Variants in NEBL observed in about 807,000 individuals in gnomAD.
NEBL encodes the protein nebulette.
In NEBL, 122 loss-of-function variants were observed where a neutral mutation model predicts 140.2. That is an observed-to-expected ratio of 0.87 (90% CI 0.75 to 1.01). The LOEUF (loss-of-function observed/expected upper bound fraction) is 1.01, where lower values mean the gene tolerates loss of function less well. NEBL is among the 50% of genes least tolerant of loss of function. The pLI is 0.00. For missense variants in NEBL, 1,365 were observed against 1,231.3 expected (o/e 1.11, Z -1.62); for synonymous variants, 436 against 398.9 (o/e 1.09, Z -1.11).
chr10:20,888,259 T>C (rs749454963), intron 3 of NEBL, 52 bp from the exon 4 acceptor site: 2 of 1,080,220 alleles, frequency 1.9e-6, no homozygotes, highest in East Asian at 5.0e-5. Context: ...TCCATTTTTT[T>C]AAACTGTGAT....
chr10:21,035,544 C>T (rs1833980193), intron 2 of NEBL, among the ~76,000 whole-genome samples: 1 of 152,096 alleles, frequency 6.6e-6, no homozygotes, highest in Non-Finnish European at 1.5e-5. Flanking sequence ...TTATTCCTGG[C>T]CATCGATTAT....
intron 3 of NEBL, among the ~76,000 whole-genome samples, chr10:21,224,650 C>T (rs1842120152): frequency 6.6e-6 from 1 of 152,156 alleles, no homozygotes; most frequent in Non-Finnish European, 1.5e-5. Context: ...GAATATCTTT[C>T]CACTGTTTTG....
intron 4 of NEBL, among the ~76,000 whole-genome samples, chr10:20,923,199 C>T (rs1358703070): frequency 6.6e-6 from 1 of 151,940 alleles, no homozygotes; most frequent in Non-Finnish European, 1.5e-5. Flanking sequence ...TCCCAAGTAG[C>T]TGGGACCACA....
At chr10:21,240,907 T>TAC (rs61704937) in intron 3 of NEBL, among the ~76,000 whole-genome samples, 35,786 of 137,222 alleles carry the variant, frequency 0.26, 4,760 homozygotes, top group Admixed American at 0.4. Flanking sequence ...CACGCACACA[T>TAC]ACACACACAC....
chr10:20,847,434 T>C (rs1842051162), intron 11 of NEBL, among the ~76,000 whole-genome samples: 1 of 152,194 alleles, frequency 6.6e-6, no homozygotes, highest in Non-Finnish European at 1.5e-5. Context: ...AAATCATAAA[T>C]TACTGTTATT....
At chr10:20,918,351 C>G (rs1438713178) in intron 4 of NEBL, among the ~76,000 whole-genome samples, 1 of 151,754 alleles carries the variant, frequency 6.6e-6, no homozygotes, top group Non-Finnish European at 1.5e-5. Context: ...GAGCAAGACT[C>G]TGTCTCAAAA....
In NEBL at chr10:20,958,027, G is replaced by A. The variant is rs551688107; in HGVS notation, c.357+3645C>T. On this transcript the variant is annotated intron_variant, in intron 4 of 6. Transcript: ENST00000417816. Reference sequence around the variant, plus strand: ...AGCCTGAGTCCCTTGAATGTCTGGCGATGGTTGTGCTTTGAGATCCTGCTG... The same window carrying A: ...AGCCTGAGTCCCTTGAATGTCTGGCAATGGTTGTGCTTTGAGATCCTGCTG... Among the ~76,000 whole-genome samples, 12 of 152,282 alleles carry A rather than the reference G, an allele frequency of 7.9e-5. No individual in the cohort carries two copies. In the East Asian group the frequency reaches 2.1e-3, roughly 27 times the overall value.
chr10:21,211,885 A>G (rs1371214631), intron 3 of NEBL, among the ~76,000 whole-genome samples: 2 of 152,164 alleles, frequency 1.3e-5, no homozygotes, highest in Admixed American at 1.3e-4. Context: ...TTTCTCACTC[A>G]TGCTGAGGTC....
intron 9 of NEBL, among the ~76,000 whole-genome samples, chr10:20,854,561 C>CTTTTTT (rs71390794): frequency 3.7e-5 from 4 of 107,258 alleles, no homozygotes; most frequent in Non-Finnish European, 3.7e-5. Flanking sequence ...TCATATAGTA[C>CTTTTTT]TTTTTTTTTT....
chr10:21,036,617 A>G (rs1026266063), intron 2 of NEBL, among the ~76,000 whole-genome samples: 1 of 152,168 alleles, frequency 6.6e-6, no homozygotes, highest in East Asian at 1.9e-4. Flanking sequence ...CCAGGCCCAC[A>G]ATGGCCAGGC....
chr10:20,950,076 C>T (rs1294229699), intron 4 of NEBL, among the ~76,000 whole-genome samples: 1 of 152,150 alleles, frequency 6.6e-6, no homozygotes, highest in Non-Finnish European at 1.5e-5. Flanking sequence ...TGGCATTTCT[C>T]CCATTTAGAA....
chr10:21,163,648 CT>C (rs1456655950), intron 2 of NEBL, among the ~76,000 whole-genome samples: 1 of 152,190 alleles, frequency 6.6e-6, no homozygotes, highest in African/African-American at 2.4e-5. Flanking sequence ...TTGCACCTGC[CT>C]TTGATGGATA....
At chr10:21,150,746 A>G (rs1840105553) in intron 2 of NEBL, among the ~76,000 whole-genome samples, 1 of 152,216 alleles carries the variant, frequency 6.6e-6, no homozygotes, top group Non-Finnish European at 1.5e-5. Context: ...AGCCAACAGC[A>G]TGGCACACCA....
At chr10:21,042,846 A>C (rs1834334388) in intron 2 of NEBL, among the ~76,000 whole-genome samples, 1 of 152,264 alleles carries the variant, frequency 6.6e-6, no homozygotes, top group Non-Finnish European at 1.5e-5. Context: ...TAACAAAAAC[A>C]AATGGCTTTC....
chr10:21,209,921 C>T (rs368981257), intron 3 of NEBL, among the ~76,000 whole-genome samples: 1 of 151,988 alleles, frequency 6.6e-6, no homozygotes, highest in South Asian at 2.1e-4. Flanking sequence ...GGATGAGGGA[C>T]CTTAGAATTA....
intron 19 of NEBL, among the ~76,000 whole-genome samples, chr10:20,820,492 T>C (rs1839190441): frequency 6.6e-6 from 1 of 152,188 alleles, no homozygotes. Flanking sequence ...GAATTTTCTT[T>C]TACAAGAAAT....
chr10:20,801,460 G>A (rs547338070), intron 26 of NEBL, among the ~76,000 whole-genome samples: 2 of 152,102 alleles, frequency 1.3e-5, no homozygotes, highest in South Asian at 4.1e-4. Flanking sequence ...GCCTCCCAAA[G>A]TGCTGGAATT....
At chr10:21,108,946 A>C (rs1837844384) in intron 2 of NEBL, among the ~76,000 whole-genome samples, 1 of 152,216 alleles carries the variant, frequency 6.6e-6, no homozygotes, top group African/African-American at 2.4e-5. Context: ...ATCTGCAAAC[A>C]GAGACAATTT....
intron 1 of NEBL, among the ~76,000 whole-genome samples, chr10:21,275,328 G>T (rs535042866): frequency 6.6e-6 from 1 of 152,218 alleles, no homozygotes; most frequent in African/African-American, 2.4e-5. Context: ...TTCTGTCTCA[G>T]GCTTGACCCC....
Sources: gnomAD v4.1 joint callset for allele counts (sites outside exome capture counted in the v4.1 genomes callset) on GRCh38, gnomAD v4.1.1 for gene constraint, MANE v1.5 for transcripts, NCBI Gene and HGNC (gene_info 2026-07-23, HGNC 2026-07-21) for gene names.